ARFGAP3: variants seen among roughly 807,000 people sequenced by gnomAD.
ARFGAP3 encodes ADP-ribosylation factor GTPase-activating protein 3.
A neutral mutation model predicts 75.0 loss-of-function variants in ARFGAP3; 72 were observed. The observed-to-expected ratio is 0.96, with a 90% CI of 0.79 to 1.17. ARFGAP3 has a LOEUF of 1.17. Among genes scored for constraint, ARFGAP3 ranks in the 50% most tolerant of loss-of-function variants. ARFGAP3 has a pLI of 0.00. For missense variants in ARFGAP3, 620 were observed against 626.6 expected, an observed-to-expected ratio of 0.99 and a Z score of 0.11; for synonymous variants, 221 against 217.9, an observed-to-expected ratio of 1.01 and a Z score of -0.13.
chr22:42,799,687 G>A (rs1258209548), intron 14 of ARFGAP3, among the ~76,000 whole-genome samples: 1 of 152,180 alleles, frequency 6.6e-6, no homozygotes, highest in Non-Finnish European at 1.5e-5. Flanking sequence ...ATCCTCAAAT[G>A]AGAAGAGCCA....
intron 12 of ARFGAP3, among the ~76,000 whole-genome samples, chr22:42,810,243 G>A (rs981561711): frequency 1.2e-4 from 19 of 152,078 alleles, no homozygotes; most frequent in Non-Finnish European, 5.9e-5. Flanking sequence ...CGAGGCAGGC[G>A]GATCATTTGA....
At chr22:42,818,292 T>C (rs903369897) in intron 9 of ARFGAP3, among the ~76,000 whole-genome samples, 13 of 152,188 alleles carry the variant, frequency 8.5e-5, no homozygotes, top group African/African-American at 3.1e-4. Flanking sequence ...AATTTGACTT[T>C]ACAAATAGAT....
At chr22:42,830,243 T>C (rs986260159) in intron 6 of ARFGAP3, among the ~76,000 whole-genome samples, 3 of 147,968 alleles carry the variant, frequency 2.0e-5, no homozygotes, top group Non-Finnish European at 4.4e-5. Flanking sequence ...TCAGTCTCCC[T>C]AGTAGCTGGG....
At chr22:42,838,886 G>A (rs183086039) in intron 3 of ARFGAP3, among the ~76,000 whole-genome samples, 5 of 151,736 alleles carry the variant, frequency 3.3e-5, no homozygotes, top group Admixed American at 6.6e-5. Context: ...TGAGGCGGGC[G>A]GATCACAAGG....
intron 3 of ARFGAP3, among the ~76,000 whole-genome samples, chr22:42,839,542 GAGCT>G (rs928598750): frequency 6.7e-6 from 1 of 149,528 alleles, no homozygotes; most frequent in African/African-American, 2.5e-5. Context: ...AGGTTGCAGT[GAGCT>G]GAGATGGCGC....
rs777314412 is a variant in ARFGAP3, at chr22:42,799,113, G to A, written c.1459C>T (p.Gln487Ter). 1.2e-6 allele frequency: 2 copies of A among 1,614,186 alleles called. No individual in the cohort carries two copies. The highest frequency in any genetic ancestry group is 1.7e-6 in the Non-Finnish European group (2 of 1,180,040). The change falls in exon 15 of 16, where the codon CAG becomes TAG. Residue 487 changes from glutamine to a stop codon, truncating the protein, a stop_gained. Transcript: ENST00000263245. LOFTEE classifies it high-confidence loss of function. ...ACCGATCTCACTCCCTGCTTGAACT[G>A]CGCCATGTCGGGGGCGTTGGGCAGC... is the stretch of plus-strand genomic sequence containing the variant. The part of the protein sequence containing the change: ...SVLPNAPDMA[Q>*]FKQGVRSVAG...
At chr22:42,845,577 G>A (rs1349501942) in intron 2 of ARFGAP3, among the ~76,000 whole-genome samples, 1 of 149,332 alleles carries the variant, frequency 6.7e-6, no homozygotes, top group Admixed American at 6.7e-5. Context: ...CCCCAAGTTT[G>A]ATTCAATGGG....
intron 5 of ARFGAP3, 117 bp from the exon 6 acceptor site, chr22:42,831,753 A>G: frequency 1.3e-6 from 2 of 1,517,462 alleles, no homozygotes; most frequent in African/African-American, 1.4e-5. Context: ...GTCCCTGTTA[A>G]TGGAAAGGAA....
At chr22:42,812,621 G>A (rs1160973136) in intron 11 of ARFGAP3, among the ~76,000 whole-genome samples, 2 of 152,130 alleles carry the variant, frequency 1.3e-5, no homozygotes, top group East Asian at 3.8e-4. Context: ...ATCTGGGTGG[G>A]GGAAATGCTA....
chr22:42,804,413 C>T lies in ARFGAP3; in HGVS notation c.1411+2660G>A, dbSNP rs147535328. Among the ~76,000 whole-genome samples, 972 of 126,518 alleles carry T rather than the reference C, an allele frequency of 7.7e-3. 17 individuals carry two copies. Among genetic ancestry groups the T allele is most frequent in the African/African-American group, 0.028 (930 of 33,028 alleles). 83.0% of individuals were successfully genotyped at this position (126,518 alleles called of 152,430 possible). Reference sequence around the variant, plus strand: ...TTTTTTTTTTTTTGAGATGGAGTCTCGCTCTGTCTCCAGGCTGGAGTGCAG... The same window carrying T: ...TTTTTTTTTTTTTGAGATGGAGTCTTGCTCTGTCTCCAGGCTGGAGTGCAG... On this transcript the variant is annotated intron_variant, in intron 14 of 15. Coordinates refer to ENST00000263245, the MANE Select transcript of ARFGAP3 (RefSeq NM_014570.5).
At chr22:42,801,061 G>A (rs540537773) in intron 14 of ARFGAP3, among the ~76,000 whole-genome samples, 2 of 151,942 alleles carry the variant, frequency 1.3e-5, no homozygotes, top group East Asian at 1.9e-4. Flanking sequence ...ATCTGGAGGG[G>A]ACACAGAGCA....
intron 6 of ARFGAP3, among the ~76,000 whole-genome samples, chr22:42,828,166 T>C (rs1926125626): frequency 6.6e-6 from 1 of 151,908 alleles, no homozygotes; most frequent in Non-Finnish European, 1.5e-5. Context: ...CTCACGCCTG[T>C]AATCCCAGCA....
chr22:42,822,344 T>C lies in ARFGAP3; in HGVS notation c.738A>G (p.Glu246=). The C allele has an allele frequency of 6.2e-7, 1 of 1,614,200 alleles. No homozygotes were observed. The highest frequency in any genetic ancestry group is 8.5e-7 in the Non-Finnish European group (1 of 1,180,036). The change falls in exon 9 of 16, where the codon GAA becomes GAG. Residue 246 remains glutamate (E), a synonymous_variant. Transcript: ENST00000263245. ...TTTTATCCGCAGCTTGAGCTTGTTT[T>C]TCAATTTCATTAAAGCATGTGTTTG... The part of the protein sequence containing the change: ...KLANTCFNEI[E]KQAQAADKMK...
At chr22:42,810,484 C>CA (rs1200207128) in intron 12 of ARFGAP3, among the ~76,000 whole-genome samples, 1 of 151,992 alleles carries the variant, frequency 6.6e-6, no homozygotes, top group Non-Finnish European at 1.5e-5. Flanking sequence ...CAAAACAAAA[C>CA]AAAAAAACAA....
At position 42,828,385 on chromosome 22, in the gene ARFGAP3, G is replaced by A. The variant is rs184006932; in HGVS notation, c.566-1386C>T. Among the ~76,000 whole-genome samples, 33 of 151,750 alleles carry A rather than the reference G, an allele frequency of 2.2e-4. No individual in the cohort carries two copies. The East Asian group carries it at 4.5e-3, about 21-fold the overall frequency. ...CAGCCTGGCCAACATGGTGAAACCCGTCTCTACTAAAAATATAAAAATTAG... is the reference window on the plus strand; with the variant it reads ...CAGCCTGGCCAACATGGTGAAACCCATCTCTACTAAAAATATAAAAATTAG... On this transcript the variant is annotated intron_variant, in intron 6 of 15. Coordinates refer to ENST00000263245, the MANE Select transcript of ARFGAP3 (RefSeq NM_014570.5).
intron 9 of ARFGAP3, 78 bp downstream of exon 9, chr22:42,822,192 A>G (rs1925840842): frequency 8.3e-7 from 1 of 1,209,742 alleles, no homozygotes; most frequent in Non-Finnish European, 1.2e-6. Context: ...ACAAAAATAC[A>G]TGGCATTTGG....
intron 5 of ARFGAP3, among the ~76,000 whole-genome samples, chr22:42,833,567 C>A (rs1926388138): frequency 6.6e-6 from 1 of 152,134 alleles, no homozygotes; most frequent in Non-Finnish European, 1.5e-5. Flanking sequence ...ACCAGCCTAG[C>A]CAATATGGTG....
At chr22:42,811,096 G>A in intron 11 of ARFGAP3, 152 bp from the exon 12 acceptor site, 1 of 1,283,424 alleles carries the variant, frequency 7.8e-7, no homozygotes, top group Non-Finnish European at 1.0e-6. Flanking sequence ...CAGACACGAG[G>A]TGTGTCATTT....
intron 15 of ARFGAP3, 27 bp downstream of exon 15, chr22:42,799,012 C>A (rs779237050): frequency 6.3e-7 from 1 of 1,597,414 alleles, no homozygotes; most frequent in Non-Finnish European, 8.6e-7. Context: ...CCGTCATAGC[C>A]AGTGAGCACT....
Sources: allele counts gnomAD v4.1 joint callset (sites outside exome capture counted in the v4.1 genomes callset), GRCh38; gene constraint gnomAD v4.1.1; transcripts MANE v1.5; gene names NCBI Gene and HGNC (gene_info 2026-07-23, HGNC 2026-07-21).